Variants in NRXN1 observed in about 807,000 individuals in gnomAD.
NRXN1 encodes neurexin 1.
In NRXN1, 39 loss-of-function variants were observed where a neutral mutation model predicts 150.9. The ratio of observed to expected loss-of-function variants is 0.26; its 90% confidence interval spans 0.20 to 0.34. NRXN1 has a LOEUF of 0.34. Among genes scored for constraint, NRXN1 ranks in the 10% least tolerant of loss-of-function variants. The pLI is 1.00. For missense variants in NRXN1, 1,815 were observed against 1,949.9 expected (o/e 0.93, Z 1.30); for synonymous variants, 924 against 757.0 (o/e 1.22, Z -3.62).
rs182455545 is a variant in NRXN1 at position 50,926,019 on chromosome 2, G to C, written c.773-64C>G. Reference sequence around the variant, plus strand: ...CATTCATTAAGCAGCATGCAGACTGGACCTTGCCTTTGCATGTCTTCCTCA... The same window carrying C: ...CATTCATTAAGCAGCATGCAGACTGCACCTTGCCTTTGCATGTCTTCCTCA... On this transcript the variant is annotated intron_variant, in intron 2 of 22. Coordinates refer to ENST00000401669, the MANE Select transcript of NRXN1 (RefSeq NM_001330078.2). 249 of 1,364,416 alleles carry C rather than the reference G, an allele frequency of 1.8e-4. No individual in the cohort carries two copies. The African/African-American group carries it at 2.7e-3, about 15-fold the overall frequency. 84.5% of individuals were successfully genotyped at this position (1,364,416 alleles called of 1,614,324 possible).
chr2:50,877,256 TTTA>T (rs1228022102), intron 5 of NRXN1, among the ~76,000 whole-genome samples: 2 of 151,718 alleles, frequency 1.3e-5, no homozygotes, highest in East Asian at 3.9e-4. Context: ...CAGTTTGCAG[TTTA>T]TTTTTTCTAT....
intron 18 of NRXN1, among the ~76,000 whole-genome samples, chr2:50,094,925 C>T (rs17039801): frequency 4.0e-5 from 6 of 151,894 alleles, no homozygotes; most frequent in East Asian, 1.9e-4. Context: ...CAAATGCTTC[C>T]GAAAAGTGCC....
chr2:50,106,605 T>C (rs1701679826), intron 18 of NRXN1, among the ~76,000 whole-genome samples: 1 of 151,990 alleles, frequency 6.6e-6, no homozygotes, highest in Non-Finnish European at 1.5e-5. Flanking sequence ...CTAGCACAAT[T>C]TGGTTTGGTA....
intron 13 of NRXN1, among the ~76,000 whole-genome samples, chr2:50,499,916 C>G (rs1399578171): frequency 2.0e-5 from 3 of 148,526 alleles, no homozygotes; most frequent in Admixed American, 6.7e-5. Context: ...CCATTGCCCT[C>G]CAGCCTGGGC....
intron 19 of NRXN1, among the ~76,000 whole-genome samples, chr2:50,085,606 TA>T (rs1698668069): frequency 6.6e-6 from 1 of 152,038 alleles, no homozygotes; most frequent in South Asian, 2.1e-4. Flanking sequence ...AATTAGTGCT[TA>T]CTAACGAGTA....
chr2:50,635,843 C>G (rs1488110166), intron 5 of NRXN1, among the ~76,000 whole-genome samples: 1 of 152,136 alleles, frequency 6.6e-6, no homozygotes, highest in Admixed American at 6.5e-5. Flanking sequence ...GGAAGGTTAA[C>G]TGGCCAGTTT....
chr2:50,037,004 C>T (rs1413360102), intron 21 of NRXN1, among the ~76,000 whole-genome samples: 1 of 152,110 alleles, frequency 6.6e-6, no homozygotes, highest in Non-Finnish European at 1.5e-5. Context: ...AAAAGGCTGC[C>T]ATTTTAAGCA....
intron 2 of NRXN1, among the ~76,000 whole-genome samples, chr2:50,972,335 G>C (rs1267682162): frequency 1.3e-5 from 2 of 151,938 alleles, no homozygotes; most frequent in Non-Finnish European, 2.9e-5. Flanking sequence ...TTGTGGCTTT[G>C]ATCTACTTTT....
At chr2:50,645,119 T>A (rs951404381) in intron 5 of NRXN1, among the ~76,000 whole-genome samples, 1 of 151,898 alleles carries the variant, frequency 6.6e-6, no homozygotes, top group South Asian at 2.1e-4. Context: ...TTTCAGAGTA[T>A]TTCCTGCTTC....
intron 5 of NRXN1, among the ~76,000 whole-genome samples, chr2:50,765,777 A>G (rs1702314377): frequency 6.6e-6 from 1 of 152,072 alleles, no homozygotes; most frequent in Non-Finnish European, 1.5e-5. Context: ...AAACAATAAT[A>G]AAAACAGTGA....
chr2:50,552,999 C>A lies in NRXN1; in HGVS notation c.1347G>T (p.Arg449Ser), dbSNP rs769308668. ...KEVVYKNNDV[R>S]LELSRLAKQG... Reference sequence around the variant, plus strand: ...GCTTGGCAAGTCGAGATAATTCCAGCCTCACATCATTATTTTTATATACAA... The same window carrying A: ...GCTTGGCAAGTCGAGATAATTCCAGACTCACATCATTATTTTTATATACAA... Residue 449 changes from arginine (R) to serine (S), a missense_variant, in exon 9 of 23, where the codon AGG becomes AGT. Around this residue, in one of 6 missense-constraint regions of NRXN1, gnomAD observed 638 missense variants for 652.6 expected, o/e 0.98. Transcript: ENST00000401669. The A allele has an allele frequency of 2.5e-6, 4 of 1,610,690 alleles. No individual in the cohort carries two copies. The highest frequency in any genetic ancestry group is 3.4e-6 in the Non-Finnish European group (4 of 1,178,264).
At chr2:50,287,000 CTTATA>C (rs2072270527) in intron 17 of NRXN1, among the ~76,000 whole-genome samples, 1 of 151,928 alleles carries the variant, frequency 6.6e-6, no homozygotes, top group East Asian at 1.9e-4. Flanking sequence ...ATGAATAGAA[CTTATA>C]TTTTGTTGAA....
rs560855429 is a variant in NRXN1, at chr2:50,978,920, C to T, written c.772+48582G>A. On this transcript the variant is annotated intron_variant, in intron 2 of 22. Transcript: ENST00000401669. The stretch of plus-strand genomic sequence containing the variant: ...AAATGTTCTAATAGAGAAGAAAAAA[C>T]GTAATTGTTGTTTTTAAATGTAGTA... Among the ~76,000 whole-genome samples, 11 of 152,126 alleles carry T rather than the reference C, an allele frequency of 7.2e-5. No homozygotes were observed. In the East Asian group the frequency reaches 1.9e-3, roughly 27 times the overall value.
At chr2:50,400,034 A>G (rs17040577) in intron 17 of NRXN1, among the ~76,000 whole-genome samples, 2 of 151,656 alleles carry the variant, frequency 1.3e-5, no homozygotes. Context: ...TACAATTAAC[A>G]CTTGCCAAAC....
intron 21 of NRXN1, among the ~76,000 whole-genome samples, chr2:49,991,934 G>C (rs1181859642): frequency 6.6e-6 from 1 of 152,150 alleles, no homozygotes; most frequent in Non-Finnish European, 1.5e-5. Context: ...AACAGACCTA[G>C]ATAAATATAA....
chr2:50,374,210 A>C (rs1241450699), intron 17 of NRXN1, among the ~76,000 whole-genome samples: 2 of 151,796 alleles, frequency 1.3e-5, no homozygotes, highest in Non-Finnish European at 2.9e-5. Context: ...AGGCAGGATG[A>C]TTGCTTGAGT....
chr2:50,674,128 TG>T (rs1283237392), intron 5 of NRXN1, among the ~76,000 whole-genome samples: 1 of 152,092 alleles, frequency 6.6e-6, no homozygotes, highest in East Asian at 1.9e-4. Flanking sequence ...ATTAAAATAA[TG>T]TGTAATAACA....
At chr2:51,023,072 T>C (rs1229220632) in intron 2 of NRXN1, among the ~76,000 whole-genome samples, 9 of 152,192 alleles carry the variant, frequency 5.9e-5, no homozygotes, top group Admixed American at 5.9e-4. Flanking sequence ...TGACTTTAAC[T>C]TCCTTCAAGA....
At chr2:50,130,956 T>G (rs1277350945) in intron 18 of NRXN1, among the ~76,000 whole-genome samples, 2 of 152,196 alleles carry the variant, frequency 1.3e-5, no homozygotes, top group African/African-American at 2.4e-5. Flanking sequence ...CCAAAAATAT[T>G]TTTGCATGAA....
Sources: allele counts gnomAD v4.1 joint callset (sites outside exome capture counted in the v4.1 genomes callset), GRCh38; gene constraint gnomAD v4.1.1; regional missense constraint gnomAD v4.1.1; transcripts MANE v1.5; gene names NCBI Gene and HGNC (gene_info 2026-07-23, HGNC 2026-07-21).